DLGAP2: variants seen among roughly 807,000 people sequenced by gnomAD.
The protein encoded by DLGAP2 is disks large-associated protein 2.
Under a neutral mutation model 100.3 loss-of-function variants are expected in DLGAP2, and 26 were observed. The observed-to-expected ratio is 0.26, with a 90% CI of 0.19 to 0.36. The LOEUF is 0.36. Among genes scored for constraint, DLGAP2 ranks in the 10% least tolerant of loss-of-function variants. The pLI, the probability that DLGAP2 is intolerant of heterozygous loss-of-function variation, is 1.00. For synonymous variants in DLGAP2, 886 were observed against 630.1 expected, an observed-to-expected ratio of 1.41 and a Z score of -6.08; for missense variants, 1,858 against 1,453.2, an observed-to-expected ratio of 1.28 and a Z score of -4.53.
intron 2 of DLGAP2, among the ~76,000 whole-genome samples, chr8:1,162,956 G>C (rs775063613): frequency 4.6e-5 from 7 of 152,228 alleles, no homozygotes; most frequent in Non-Finnish European, 1.0e-4. Flanking sequence ...GGGGAGGAAA[G>C]TCAGAGCTTG....
intron 3 of DLGAP2, among the ~76,000 whole-genome samples, chr8:1,436,145 CCCA>C (rs1456508003): frequency 6.6e-6 from 1 of 152,180 alleles, no homozygotes; most frequent in Non-Finnish European, 1.5e-5. Context: ...AAGGTGAACT[CCCA>C]CCACAAGCCG....
chr8:786,847 G>A (rs543415084), intron 1 of DLGAP2, among the ~76,000 whole-genome samples: 2 of 151,736 alleles, frequency 1.3e-5, no homozygotes, highest in Admixed American at 6.6e-5. Flanking sequence ...ACCTGTGAAC[G>A]TGGCTTCTTG....
intron 6 of DLGAP2, among the ~76,000 whole-genome samples, chr8:1,568,337 C>CG (rs1315655444): frequency 3.4e-4 from 22 of 65,112 alleles, no homozygotes; most frequent in African/African-American, 3.3e-4. Flanking sequence ...GACACAAATC[C>CG]ACTCTGCCCG....
chr8:1,662,557 T>A (rs948945635), intron 8 of DLGAP2, among the ~76,000 whole-genome samples: 12 of 152,208 alleles, frequency 7.9e-5, no homozygotes, highest in African/African-American at 2.9e-4. Context: ...AAAACTAGAC[T>A]CATTATAACC....
intron 2 of DLGAP2, among the ~76,000 whole-genome samples, chr8:1,109,026 A>G (rs992827570): frequency 3.7e-5 from 3 of 81,642 alleles, no homozygotes; most frequent in South Asian, 4.4e-4. Flanking sequence ...GTGAGGTGTG[A>G]ATGTGTCTAT....
rs1799650562 is a variant in DLGAP2 at position 1,704,405 on chromosome 8, TA to T, written c.*3001del. On this transcript the variant is annotated 3_prime_UTR_variant, in exon 15 of 15. Coordinates refer to ENST00000637795, the MANE Select transcript of DLGAP2 (RefSeq NM_001346810.2). ...ATCCTGCTGTGTTGAAGGCTGTGGT[TA>T]ATAAAACACAAGTATGATAAACAGG... The T allele has an allele frequency of 6.6e-6, 1 of 152,210 alleles. No homozygotes were observed. The highest frequency in any genetic ancestry group is 2.1e-4 in the South Asian group (1 of 4,828). 9.4% of individuals were successfully genotyped at this position (152,210 alleles called of 1,614,324 possible).
intron 2 of DLGAP2, among the ~76,000 whole-genome samples, chr8:1,097,480 G>A (rs1437101035): frequency 7.4e-6 from 1 of 134,432 alleles, no homozygotes; most frequent in African/African-American, 2.9e-5. Flanking sequence ...GGGAGCCTAG[G>A]GCAGGCCTTC....
intron 2 of DLGAP2, among the ~76,000 whole-genome samples, chr8:979,066 G>A (rs896632370): frequency 1.1e-4 from 16 of 152,186 alleles, no homozygotes; most frequent in Middle Eastern, 3.4e-3. Flanking sequence ...CATGCAGTCC[G>A]AATGCTAGCC....
intron 2 of DLGAP2, among the ~76,000 whole-genome samples, chr8:980,782 G>T (rs1277172209): frequency 6.6e-6 from 1 of 152,132 alleles, no homozygotes; most frequent in Non-Finnish European, 1.5e-5. Flanking sequence ...CTCGACAGGT[G>T]GCAGCTGAGC....
intron 3 of DLGAP2, among the ~76,000 whole-genome samples, chr8:1,467,958 GAA>G (rs1563166888): frequency 6.6e-6 from 1 of 152,226 alleles, no homozygotes; most frequent in African/African-American, 2.4e-5. Context: ...ACACATTTTT[GAA>G]AAGTGTTACC....
At chr8:1,449,202 C>G (rs549299425) in intron 3 of DLGAP2, among the ~76,000 whole-genome samples, 11 of 152,330 alleles carry the variant, frequency 7.2e-5, no homozygotes, top group African/African-American at 2.6e-4. Context: ...AGTTCTCAGC[C>G]CAGCTGAGCC....
chr8:996,974 A>C (rs943539148), intron 2 of DLGAP2, among the ~76,000 whole-genome samples: 1 of 152,226 alleles, frequency 6.6e-6, no homozygotes, highest in Admixed American at 6.5e-5. Flanking sequence ...ATCTGGAGGT[A>C]CATTAATCTT....
intron 1 of DLGAP2, among the ~76,000 whole-genome samples, chr8:904,044 C>T (rs992115297): frequency 1.3e-5 from 2 of 152,158 alleles, no homozygotes; most frequent in Admixed American, 6.5e-5. Flanking sequence ...ACAGAGAGGA[C>T]GCTGGTGGGG....
intron 4 of DLGAP2, among the ~76,000 whole-genome samples, chr8:1,516,061 G>C (rs1800363849): frequency 6.6e-6 from 1 of 151,878 alleles, no homozygotes; most frequent in Non-Finnish European, 1.5e-5. Context: ...GAGTGAGTGG[G>C]TGAGTAAAAA....
intron 1 of DLGAP2, among the ~76,000 whole-genome samples, chr8:902,885 AG>A (rs1175188420): frequency 2.4e-4 from 11 of 45,728 alleles, no homozygotes; most frequent in Admixed American, 2.4e-4. Context: ...GTGGGTGGGC[AG>A]GGGTGGGTGG....
At chr8:943,070 T>A (rs1799231646) in intron 2 of DLGAP2, among the ~76,000 whole-genome samples, 1 of 152,342 alleles carries the variant, frequency 6.6e-6, no homozygotes, top group South Asian at 2.1e-4. Context: ...AATTCCTGAC[T>A]TTCAGAAGAA....
intron 4 of DLGAP2, among the ~76,000 whole-genome samples, chr8:1,535,771 A>T (rs1801135505): frequency 6.6e-6 from 1 of 152,240 alleles, no homozygotes; most frequent in Admixed American, 6.5e-5. Context: ...CACTTAGGAC[A>T]CATTGTTGAG....
intron 6 of DLGAP2, among the ~76,000 whole-genome samples, chr8:1,578,852 G>T (rs182588145): frequency 6.6e-6 from 1 of 152,114 alleles, no homozygotes; most frequent in Non-Finnish European, 1.5e-5. Flanking sequence ...TTGTGTCCCC[G>T]ATCGGGAAGG....
chr8:1,486,890 G>C (rs570630138), intron 3 of DLGAP2, among the ~76,000 whole-genome samples: 1 of 152,302 alleles, frequency 6.6e-6, no homozygotes, highest in Admixed American at 6.5e-5. Context: ...CCTCTGCCTG[G>C]AACGTTTGTC....
Sources: allele counts gnomAD v4.1 joint callset (sites outside exome capture counted in the v4.1 genomes callset), GRCh38; gene constraint gnomAD v4.1.1; transcripts MANE v1.5; gene names NCBI Gene and HGNC (gene_info 2026-07-23, HGNC 2026-07-21).